SLC39A11: variants seen among roughly 807,000 people sequenced by gnomAD.
SLC39A11 encodes the protein zinc transporter ZIP11.
Under a neutral mutation model 36.1 loss-of-function variants are expected in SLC39A11, and 33 were observed. The ratio of observed to expected loss-of-function variants is 0.91; its 90% CI spans 0.69 to 1.22. The LOEUF (loss-of-function observed/expected upper bound fraction) is 1.22, where lower values mean the gene tolerates loss of function less well. Among genes scored for constraint, SLC39A11 ranks in the 50% most tolerant of loss-of-function variants. The probability of loss-of-function intolerance (pLI) is 0.00; values close to 1 mark genes in which losing one functional copy is unlikely to be tolerated. For missense variants in SLC39A11, 432 were observed against 430.3 expected, an observed-to-expected ratio of 1.00 and a Z score of -0.03; for synonymous variants, 166 against 170.3, an observed-to-expected ratio of 0.97 and a Z score of 0.20.
At chr17:72,763,097 C>T (rs1232420943) in intron 6 of SLC39A11, among the ~76,000 whole-genome samples, 4 of 152,142 alleles carry the variant, frequency 2.6e-5, no homozygotes, top group African/African-American at 9.7e-5. Context: ...CTGACCACAA[C>T]CTTAAAGCAC....
chr17:72,692,879 T>A (rs186972073), intron 7 of SLC39A11, among the ~76,000 whole-genome samples: 1 of 152,168 alleles, frequency 6.6e-6, no homozygotes, highest in South Asian at 2.1e-4. Flanking sequence ...CAGCACCTCA[T>A]CAAAGCACTC....
chr17:72,713,784 T>C (rs1472989416), intron 7 of SLC39A11, among the ~76,000 whole-genome samples: 2 of 152,202 alleles, frequency 1.3e-5, no homozygotes, highest in Non-Finnish European at 2.9e-5. Context: ...CTGAGGGTGA[T>C]AATAACAGCT....
chr17:72,958,270 A>C lies in SLC39A11; in HGVS notation c.307-10395T>G, dbSNP rs1216743334. On this transcript the variant is annotated intron_variant, in intron 4 of 9. Coordinates refer to ENST00000255559, the MANE Select transcript of SLC39A11 (RefSeq NM_139177.4). ...AACTATAAAAATTCTAGAAGATAAC[A>C]TTGGAAAAACCCTTCTAGACATTGG... Among the ~76,000 whole-genome samples, 5 of 152,264 alleles carry C rather than the reference A, an allele frequency of 3.3e-5. No homozygotes were observed. The East Asian group carries it at 7.7e-4, about 23-fold the overall frequency.
At chr17:73,082,130 A>AAAAAAAAAAAAAAAAAC (rs1378277016) in intron 3 of SLC39A11, among the ~76,000 whole-genome samples, 1 of 150,534 alleles carries the variant, frequency 6.6e-6, no homozygotes, top group Non-Finnish European at 1.5e-5. Flanking sequence ...AAAAAAGAAA[A>AAAAAAAAAAAAAAAAAC]AAAAAAAAAA....
chr17:72,861,804 C>T (rs1346034370), intron 5 of SLC39A11, among the ~76,000 whole-genome samples: 2 of 123,546 alleles, frequency 1.6e-5, no homozygotes, highest in Non-Finnish European at 3.4e-5. Context: ...TTCATTAAGC[C>T]ATTATATTTC....
chr17:72,939,219 G>A (rs1030444875), intron 5 of SLC39A11, among the ~76,000 whole-genome samples: 4 of 152,170 alleles, frequency 2.6e-5, no homozygotes, highest in African/African-American at 7.2e-5. Context: ...CCAGCACTCC[G>A]GGAGGCCGAG....
At chr17:72,878,219 A>T (rs554180646) in intron 5 of SLC39A11, among the ~76,000 whole-genome samples, 2 of 151,786 alleles carry the variant, frequency 1.3e-5, no homozygotes, top group African/African-American at 4.8e-5. Context: ...GCACAAGGGG[A>T]TCTCTCCTTT....
chr17:72,669,932 A>C (rs182047037), intron 7 of SLC39A11, among the ~76,000 whole-genome samples: 3 of 150,102 alleles, frequency 2.0e-5, no homozygotes, highest in African/African-American at 7.4e-5. Flanking sequence ...ATACACATAT[A>C]TACGTATAGA....
At chr17:72,993,335 T>C (rs2148318110) in intron 4 of SLC39A11, among the ~76,000 whole-genome samples, 1 of 152,202 alleles carries the variant, frequency 6.6e-6, no homozygotes, top group South Asian at 2.1e-4. Context: ...CTCAATACAG[T>C]TGATTTGAAA....
intron 5 of SLC39A11, among the ~76,000 whole-genome samples, chr17:72,921,443 C>A (rs1372637726): frequency 6.6e-6 from 1 of 152,010 alleles, no homozygotes; most frequent in African/African-American, 2.4e-5. Flanking sequence ...CTAAAGCATG[C>A]CTCAGTGAGC....
chr17:72,727,560 G>A (rs769750956), intron 7 of SLC39A11, among the ~76,000 whole-genome samples: 78 of 151,604 alleles, frequency 5.1e-4, no homozygotes, highest in Non-Finnish European at 9.4e-4. Flanking sequence ...GCAGAGGCAG[G>A]AGAATGGTGT....
rs56021607 is a variant in SLC39A11 at position 73,062,475 on chromosome 17, A to AAAAAAAC, written c.147+22332_147+22333insGTTTTTT. ...AGAGCTTGTCTCAAAAAAAAAAAAA[A>AAAAAAAC]AAACTTTAGGTGATACACTTCTGCT... On this transcript the variant is annotated intron_variant, in intron 3 of 9. Coordinates refer to ENST00000255559, the MANE Select transcript of SLC39A11 (RefSeq NM_139177.4). Among the ~76,000 whole-genome samples the AAAAAAAC allele has an allele frequency of 2.7e-3, 236 of 87,030 alleles. 25 individuals are homozygous for AAAAAAAC. The highest frequency in any genetic ancestry group is 4.1e-3 in the African/African-American group (90 of 21,920). 57.1% of individuals were successfully genotyped at this position (87,030 alleles called of 152,430 possible). A position where few individuals can be genotyped will look rare whatever the true frequency, so the allele number is the denominator to read the frequency against.
At chr17:72,893,506 T>G (rs1376757090) in intron 5 of SLC39A11, among the ~76,000 whole-genome samples, 1 of 152,152 alleles carries the variant, frequency 6.6e-6, no homozygotes, top group Non-Finnish European at 1.5e-5. Context: ...AAGCTCAATA[T>G]AGCAGTGAGT....
At chr17:72,932,494 A>G (rs1176291066) in intron 5 of SLC39A11, among the ~76,000 whole-genome samples, 1 of 117,480 alleles carries the variant, frequency 8.5e-6, no homozygotes, top group Non-Finnish European at 1.6e-5. Context: ...CCCTGTTTCT[A>G]TGAAACAACC....
intron 6 of SLC39A11, among the ~76,000 whole-genome samples, chr17:72,742,636 C>G (rs1322760666): frequency 6.6e-6 from 1 of 152,216 alleles, no homozygotes; most frequent in Non-Finnish European, 1.5e-5. Flanking sequence ...AGCTGGTTGA[C>G]TCTTTTGTTA....
At chr17:73,056,851 A>G (rs1365611532) in intron 3 of SLC39A11, among the ~76,000 whole-genome samples, 2 of 152,232 alleles carry the variant, frequency 1.3e-5, no homozygotes, top group African/African-American at 4.8e-5. Flanking sequence ...AACTTTACCA[A>G]GAAGACTTAC....
At chr17:73,017,656 T>C (rs146408400) in intron 4 of SLC39A11, among the ~76,000 whole-genome samples, 51 of 152,244 alleles carry the variant, frequency 3.3e-4, no homozygotes, top group African/African-American at 1.2e-3. Context: ...GAGGTTGCGG[T>C]GAGCTAAGAT....
chr17:72,737,442 A>G (rs2074478166), intron 6 of SLC39A11, among the ~76,000 whole-genome samples: 1 of 152,144 alleles, frequency 6.6e-6, no homozygotes, highest in Non-Finnish European at 1.5e-5. Flanking sequence ...TATGGCCTGA[A>G]ATCTAAAATA....
At chr17:72,927,699 A>G (rs1366631920) in intron 5 of SLC39A11, among the ~76,000 whole-genome samples, 3 of 152,158 alleles carry the variant, frequency 2.0e-5, no homozygotes, top group Non-Finnish European at 2.9e-5. Flanking sequence ...TCATTTTCCC[A>G]TAGAATTTCA....
Sources: gnomAD v4.1 joint callset for allele counts (sites outside exome capture counted in the v4.1 genomes callset) on GRCh38, gnomAD v4.1.1 for gene constraint, MANE v1.5 for transcripts, NCBI Gene and HGNC (gene_info 2026-07-23, HGNC 2026-07-21) for gene names.